Variants in TNS1 observed in about 807,000 individuals in gnomAD.
TNS1 encodes the protein tensin 1, also known as tensin-1.
TNS1 carries 62 observed loss-of-function variants against 168.6 expected under a neutral mutation model. That is an observed-to-expected ratio of 0.37 (90% confidence interval 0.30 to 0.45). The LOEUF (loss-of-function observed/expected upper bound fraction) is 0.45, where lower values mean the gene tolerates loss of function less well. TNS1 is among the 20% of genes least tolerant of loss of function. The pLI, the probability that TNS1 is intolerant of heterozygous loss-of-function variation, is 1.00. For missense variants in TNS1, 2,240 were observed against 2,339.4 expected (o/e 0.96, Z 0.88); for synonymous variants, 934 against 933.2 (o/e 1.00, Z -0.02).
intron 3 of TNS1, among the ~76,000 whole-genome samples, chr2:217,931,071 C>G (rs7585036): frequency 0.21 from 32,239 of 152,086 alleles, 3,643 homozygotes; most frequent in African/African-American, 0.24. Context: ...TGCCAGGTTC[C>G]CAGCTCTGGA....
chr2:218,025,802 G>A (rs539077688), intron 1 of TNS1, among the ~76,000 whole-genome samples: 9 of 152,134 alleles, frequency 5.9e-5, no homozygotes, highest in South Asian at 4.2e-4. Context: ...TCAGCCTGCC[G>A]GGTGGCTGGG....
chr2:217,921,748 C>T (rs1352060013), intron 3 of TNS1, among the ~76,000 whole-genome samples: 1 of 152,190 alleles, frequency 6.6e-6, no homozygotes, highest in Non-Finnish European at 1.5e-5. Flanking sequence ...ACAGAACCAA[C>T]AACAATAATA....
Position 217,849,004 on chromosome 2 carries a change from C to G in TNS1, c.1513G>C (p.Gly505Arg), listed in dbSNP as rs751369945. ...GTAGGACGTGTGGCATTAACAGCCC[C>G]GGTGCTGCCGTGCAGGGAGTCTTTC... is the stretch of plus-strand genomic sequence containing the variant. ...KKKDSLHGSTGAVNATRPTLS... is the reference protein window; with the variant it reads ...KKKDSLHGSTRAVNATRPTLS... The change falls in exon 19 of 33, where the codon GGG becomes CGG. Residue 505 changes from glycine (G) to arginine (R), a missense_variant. Physicochemically the swap from Gly to Arg is moderately radical, Grantham distance 125. Coordinates refer to ENST00000682258, the MANE Select transcript of TNS1 (RefSeq NM_001387777.1). The G allele has an allele frequency of 2.5e-6, 4 of 1,613,796 alleles. No individual in the cohort carries two copies. Among genetic ancestry groups the G allele is most frequent in the African/African-American group, 2.7e-5 (2 of 74,830 alleles).
At chr2:218,022,056 C>G (rs1412272996) in intron 1 of TNS1, among the ~76,000 whole-genome samples, 2 of 151,966 alleles carry the variant, frequency 1.3e-5, no homozygotes, top group African/African-American at 4.8e-5. Context: ...GCACTGGCAT[C>G]GGGGGGCGAG....
intron 1 of TNS1, among the ~76,000 whole-genome samples, chr2:218,020,324 G>A (rs1022225837): frequency 6.6e-6 from 1 of 152,126 alleles, no homozygotes; most frequent in Non-Finnish European, 1.5e-5. Context: ...CAAGGAAAGG[G>A]CCAACTCCTG....
Position 217,853,640 on chromosome 2 carries a change from A to G in TNS1, c.1430-4553T>C, listed in dbSNP as rs555844185. The stretch of plus-strand genomic sequence containing the variant: ...AAACCCAAAATCTCTCCATGGCCCC[A>G]CTGTCTTTGTCTGAGGATGTCTCCC... On this transcript the variant is annotated intron_variant, in intron 18 of 32. Coordinates refer to ENST00000682258, the MANE Select transcript of TNS1 (RefSeq NM_001387777.1). Among the ~76,000 whole-genome samples, 280 of 152,146 alleles carry G rather than the reference A, an allele frequency of 1.8e-3. 1 individual carries two copies. Among genetic ancestry groups the G allele is most frequent in the African/African-American group, 6.6e-3 (272 of 41,510 alleles).
intron 1 of TNS1, among the ~76,000 whole-genome samples, chr2:218,028,959 CTCTGT>C (rs1159829603): frequency 1.3e-5 from 2 of 152,228 alleles, no homozygotes; most frequent in Non-Finnish European, 2.9e-5. Flanking sequence ...TGGCACCAGG[CTCTGT>C]CCCAGTGCCA....
chr2:217,998,674 A>AT (rs1958510714), intron 1 of TNS1, among the ~76,000 whole-genome samples: 1 of 151,880 alleles, frequency 6.6e-6, no homozygotes, highest in Non-Finnish European at 1.5e-5. Flanking sequence ...TAACTTATTT[A>AT]TTTTTCGTAC....
intron 32 of TNS1, 118 bp from the exon 33 acceptor site, chr2:217,804,721 C>G (rs141858995): frequency 3.0e-6 from 4 of 1,314,202 alleles, no homozygotes; most frequent in Middle Eastern, 5.3e-4. Flanking sequence ...ATCCCTCCAG[C>G]AGGCCTCAGC....
chr2:217,976,698 G>A (rs1318664508), intron 3 of TNS1, among the ~76,000 whole-genome samples: 4 of 152,234 alleles, frequency 2.6e-5, no homozygotes, highest in Non-Finnish European at 5.9e-5. Context: ...CCATGCACAA[G>A]GCTACTGCAT....
chr2:217,811,340 G>A (rs539251239), intron 28 of TNS1, among the ~76,000 whole-genome samples: 13 of 152,310 alleles, frequency 8.5e-5, no homozygotes, highest in African/African-American at 3.1e-4. Context: ...ATTCATGTCT[G>A]AATTGTGTCA....
chr2:217,813,551 C>T lies in TNS1; in HGVS notation c.4861+134G>A. The T allele has an allele frequency of 7.4e-7, 1 of 1,357,128 alleles. No homozygotes were observed. Among genetic ancestry groups the T allele is most frequent in the Non-Finnish European group, 1.0e-6 (1 of 998,808 alleles). 84.1% of individuals were successfully genotyped at this position (1,357,128 alleles called of 1,614,324 possible). On this transcript the variant is annotated intron_variant, in intron 26 of 32. Coordinates refer to ENST00000682258, the MANE Select transcript of TNS1 (RefSeq NM_001387777.1). This position sits in a 1 kb window ranked among gnomAD's most constrained non-coding sequence, Gnocchi z 4.0. The stretch of plus-strand genomic sequence containing the variant: ...TCTCTGACCTCAACCATCACCAAGC[C>T]CAAGACACCCTCTTCCGAAGAGCCT...
chr2:217,874,147 C>T (rs1219237042), intron 18 of TNS1, among the ~76,000 whole-genome samples: 2 of 151,990 alleles, frequency 1.3e-5, no homozygotes, highest in Non-Finnish European at 2.9e-5. Context: ...CCTTGTATTA[C>T]CTGAGAGTGG....
chr2:218,002,591 T>TG (rs549324942), intron 1 of TNS1, among the ~76,000 whole-genome samples: 562 of 4,216 alleles, frequency 0.13, 3 homozygotes, highest in Non-Finnish European at 0.2. Context: ...CATTGGGGGG[T>TG]GGGGGGGTGG....
intron 6 of TNS1, among the ~76,000 whole-genome samples, chr2:217,900,874 G>A (rs1240690448): frequency 1.3e-5 from 2 of 152,200 alleles, no homozygotes; most frequent in East Asian, 3.8e-4. Flanking sequence ...AGAAACCCCA[G>A]GAGGAGAATA....
At chr2:217,933,544 G>A (rs1956437967) in intron 3 of TNS1, among the ~76,000 whole-genome samples, 1 of 152,110 alleles carries the variant, frequency 6.6e-6, no homozygotes, top group Non-Finnish European at 1.5e-5. Context: ...ATGGCCCCAA[G>A]CACAGCCAAT....
chr2:217,856,566 G>A (rs111397979), intron 18 of TNS1, among the ~76,000 whole-genome samples: 5 of 152,240 alleles, frequency 3.3e-5, no homozygotes, highest in Admixed American at 1.3e-4. Flanking sequence ...GAGAAATCCC[G>A]GAACCTCTGA....
In TNS1 at chr2:217,928,829, A is replaced by T. The variant is rs79879064; in HGVS notation, c.187-8593T>A. ...TCCTCTTCCCCAGCCCCACTCACTG[A>T]CCCCCCAGCCCACTGCTAGGCTCCC... On this transcript the variant is annotated intron_variant, in intron 3 of 32. Transcript: ENST00000682258. Among the ~76,000 whole-genome samples the T allele has an allele frequency of 0.019, 2,850 of 150,634 alleles. 143 individuals are homozygous for T. In the East Asian group the frequency reaches 0.2, roughly 11 times the overall value.
chr2:218,014,912 G>A (rs547601823), upstream of TNS1, among the ~76,000 whole-genome samples: 810 of 86,940 alleles, frequency 9.3e-3, 13 homozygotes, highest in Admixed American at 0.049. Flanking sequence ...AGGAAGGAAG[G>A]AAGGAAGGAA....
Sources: gnomAD v4.1 joint callset for allele counts (sites outside exome capture counted in the v4.1 genomes callset) on GRCh38, gnomAD v4.1.1 for gene constraint, Gnocchi (gnomAD v3.1) non-coding constraint, MANE v1.5 for transcripts, NCBI Gene and HGNC (gene_info 2026-07-23, HGNC 2026-07-21) for gene names.